The following ZNF536 variants were observed in gnomAD, a reference collection of about 807,000 sequenced individuals.
ZNF536 encodes zinc finger protein 536.
In ZNF536, 13 loss-of-function variants were observed where a neutral mutation model predicts 84.5. The observed-to-expected ratio is 0.15, with a 90% confidence interval of 0.10 to 0.24. ZNF536 has a LOEUF of 0.24. Among genes scored for constraint, ZNF536 ranks in the 10% least tolerant of loss-of-function variants. The pLI is 1.00. For missense variants in ZNF536, 1,536 were observed against 1,747.5 expected, an observed-to-expected ratio of 0.88 and a Z score of 2.16; for synonymous variants, 811 against 742.5, an observed-to-expected ratio of 1.09 and a Z score of -1.50.
Position 30,463,324 on chromosome 19 carries a change from G to T in ZNF536, c.2170+17592G>T, listed in dbSNP as rs1381822105. 2.6e-5 allele frequency among the ~76,000 whole-genome samples: 4 copies of T among 152,098 alleles called. No individual in the cohort carries two copies. In the East Asian group the frequency reaches 7.7e-4, roughly 29 times the overall value. ...ACTAGAGGGGTCTTCCCTCCCTAATGCTGGCTCAGCCTCAGGTGGAAGATC... is the reference window on the plus strand; with the variant it reads ...ACTAGAGGGGTCTTCCCTCCCTAATTCTGGCTCAGCCTCAGGTGGAAGATC... On this transcript the variant is annotated intron_variant, in intron 2 of 4. Transcript: ENST00000355537.
intron 2 of ZNF536, among the ~76,000 whole-genome samples, chr19:30,449,715 A>T (rs1299843923): frequency 6.6e-6 from 1 of 152,190 alleles, no homozygotes; most frequent in African/African-American, 2.4e-5. Context: ...AAATATCGTT[A>T]ACCCCTACTA....
At chr19:30,666,596 C>G (rs2050329031) in intron 1 of ZNF536, among the ~76,000 whole-genome samples, 1 of 152,032 alleles carries the variant, frequency 6.6e-6, no homozygotes, top group African/African-American at 2.4e-5. Flanking sequence ...GTTCTAGGAA[C>G]AGCTCCGGGC....
At chr19:30,424,414 AC>A (rs1054682371) in intron 1 of ZNF536, among the ~76,000 whole-genome samples, 1 of 152,022 alleles carries the variant, frequency 6.6e-6, no homozygotes, top group African/African-American at 2.4e-5. Flanking sequence ...AACATCAAAC[AC>A]CCTGGGGCTC....
chr19:30,616,480 A>C (rs1264753927), intron 1 of ZNF536, among the ~76,000 whole-genome samples: 2 of 152,152 alleles, frequency 1.3e-5, no homozygotes, highest in Non-Finnish European at 2.9e-5. Flanking sequence ...CTTATATTAA[A>C]ACCTCTTTTT....
At chr19:30,705,607 A>C (rs2052193577) in intron 1 of ZNF536, among the ~76,000 whole-genome samples, 1 of 152,224 alleles carries the variant, frequency 6.6e-6, no homozygotes, top group African/African-American at 2.4e-5. Flanking sequence ...CAAAGCTCAA[A>C]TATGAGGATA....
intron 1 of ZNF536, among the ~76,000 whole-genome samples, chr19:30,422,042 G>A (rs2050983323): frequency 6.6e-6 from 1 of 152,102 alleles, no homozygotes; most frequent in African/African-American, 2.4e-5. Flanking sequence ...CAAAAACATG[G>A]GAAAAAATGT....
chr19:30,251,255 A>G (rs1357484939), intron 1 of ZNF536, among the ~76,000 whole-genome samples: 1 of 152,124 alleles, frequency 6.6e-6, no homozygotes, highest in African/African-American at 2.4e-5. Flanking sequence ...ACCATTTCTG[A>G]TGCTATTTGG....
intron 2 of ZNF536, among the ~76,000 whole-genome samples, chr19:30,303,714 G>T (rs948506999): frequency 6.6e-6 from 1 of 152,104 alleles, no homozygotes; most frequent in Admixed American, 6.5e-5. Context: ...TGTCGGCCGG[G>T]CTGGTCTCTA....
Position 30,443,042 on chromosome 19 carries a change from TG to T in ZNF536, c.-2-518del, listed in dbSNP as rs2052130924. Among the ~76,000 whole-genome samples the T allele has an allele frequency of 4.2e-5, 4 of 95,462 alleles. No individual in the cohort carries two copies. In the South Asian group the frequency reaches 8.9e-4, roughly 21 times the overall value. 62.6% of individuals were successfully genotyped at this position (95,462 alleles called of 152,430 possible). A position where few individuals can be genotyped will look rare whatever the true frequency, so the allele number is the denominator to read the frequency against. On this transcript the variant is annotated intron_variant, in intron 1 of 4. Coordinates refer to ENST00000355537, the MANE Select transcript of ZNF536 (RefSeq NM_014717.3). ...ATCATGCCATTGAGTGTTTTTTGTT[TG>T]TTTTTTTTTTTTTTTTGGCCAAATC...
chr19:30,410,679 C>T (rs573087415), intron 1 of ZNF536, among the ~76,000 whole-genome samples: 3 of 152,078 alleles, frequency 2.0e-5, no homozygotes, highest in African/African-American at 7.2e-5. Context: ...GGGGTTTCAC[C>T]GTGTTAGCCA....
At chr19:30,487,207 T>G (rs2054334516) in intron 2 of ZNF536, among the ~76,000 whole-genome samples, 1 of 152,150 alleles carries the variant, frequency 6.6e-6, no homozygotes, top group African/African-American at 2.4e-5. Context: ...ATCCAAAGTA[T>G]GAAAAAAGTT....
chr19:30,636,684 C>T (rs1043132201), intron 1 of ZNF536, among the ~76,000 whole-genome samples: 3 of 152,088 alleles, frequency 2.0e-5, no homozygotes, highest in Non-Finnish European at 4.4e-5. Flanking sequence ...CTTTATGTGC[C>T]TTTGAGTCAT....
At chr19:30,684,160 G>T (rs2051082640) in intron 1 of ZNF536, among the ~76,000 whole-genome samples, 1 of 151,868 alleles carries the variant, frequency 6.6e-6, no homozygotes, top group Non-Finnish European at 1.5e-5. Context: ...TTTGAGATGG[G>T]GTCTCACTCT....
intron 1 of ZNF536, among the ~76,000 whole-genome samples, chr19:30,237,083 C>A (rs2023584660): frequency 6.6e-6 from 1 of 151,544 alleles, no homozygotes; most frequent in Non-Finnish European, 1.5e-5. Context: ...GGCTAAGGAG[C>A]CTGGCCACTC....
intron 2 of ZNF536, among the ~76,000 whole-genome samples, chr19:30,290,756 T>C (rs1018110737): frequency 6.6e-6 from 1 of 152,216 alleles, no homozygotes; most frequent in East Asian, 1.9e-4. Context: ...TGTGCCATAG[T>C]AGTTTGCTGC....
intron 2 of ZNF536, among the ~76,000 whole-genome samples, chr19:30,446,865 A>C (rs928468921): frequency 1.4e-4 from 22 of 152,086 alleles, no homozygotes; most frequent in Admixed American, 1.3e-4. Context: ...CAGACGGCTA[A>C]ATTAAAATCA....
chr19:30,471,086 G>T (rs1407266000), intron 2 of ZNF536, among the ~76,000 whole-genome samples: 1 of 151,698 alleles, frequency 6.6e-6, no homozygotes, highest in Non-Finnish European at 1.5e-5. Context: ...CTCCCAAAGT[G>T]CTGGGATTAC....
chr19:30,282,410 C>T lies in ZNF536; in HGVS notation c.-189-1662C>T, dbSNP rs566793968. The stretch of plus-strand genomic sequence containing the variant: ...TTTGTGCCCATCACTGCCCCGGTGC[C>T]AACTGCAGGAGACGGTGTTCTGATC... On this transcript the variant is annotated intron_variant, in intron 1 of 5. Coordinates refer to the ZNF536 transcript ENST00000585628. Among the ~76,000 whole-genome samples the T allele has an allele frequency of 5.3e-4, 69 of 130,194 alleles. 2 individuals carry two copies. The South Asian group carries it at 0.016, about 30-fold the overall frequency. 85.4% of individuals were successfully genotyped at this position (130,194 alleles called of 152,430 possible).
intron 2 of ZNF536, among the ~76,000 whole-genome samples, chr19:30,527,219 CTTTTT>C (rs56404227): frequency 5.7e-5 from 6 of 106,170 alleles, no homozygotes; most frequent in East Asian, 2.6e-4. Flanking sequence ...ACCCAGCCTC[CTTTTT>C]TTTTTTTTTT....
Sources: allele counts gnomAD v4.1 joint callset (sites outside exome capture counted in the v4.1 genomes callset), GRCh38; gene constraint gnomAD v4.1.1; transcripts MANE v1.5; gene names NCBI Gene and HGNC (gene_info 2026-07-23, HGNC 2026-07-21).